Variants in PHLPP1 observed in about 807,000 individuals in gnomAD.
PHLPP1 encodes the protein PH domain leucine-rich repeat-containing protein phosphatase 1.
Under a neutral mutation model 117.2 loss-of-function variants are expected in PHLPP1, and 42 were observed. The observed-to-expected ratio is 0.36, with a 90% confidence interval of 0.28 to 0.46. The LOEUF (loss-of-function observed/expected upper bound fraction) is 0.46. Among genes scored for constraint, PHLPP1 ranks in the 20% least tolerant of loss-of-function variants. PHLPP1 has a pLI of 1.00. For synonymous variants in PHLPP1, 1,042 were observed against 970.7 expected (o/e 1.07, Z -1.37); for missense variants, 2,084 against 2,241.9 (o/e 0.93, Z 1.42).
Position 62,715,590 on chromosome 18 carries a change from C to T in PHLPP1, c.-94C>T, listed in dbSNP as rs956194675. On this transcript the variant is annotated 5_prime_UTR_variant, in exon 1 of 17. Coordinates refer to ENST00000262719, the MANE Select transcript of PHLPP1 (RefSeq NM_194449.4). ...ACAACGCCATTGGCTTCTCCCTTCT[C>T]CGCGCGCCGCCGCCGTCTCCCACCT... 4.0e-5 allele frequency: 32 copies of T among 796,420 alleles called. No individual in the cohort carries two copies. The Admixed American group carries it at 1.3e-3, about 33-fold the overall frequency. The allele number at this position is 796,420 out of a possible 1,614,324, so 49.3% of individuals were successfully genotyped here. A position where few individuals can be genotyped will look rare whatever the true frequency, so the allele number is the denominator to read the frequency against.
chr18:62,740,398 A>G (rs1911489097), intron 1 of PHLPP1, among the ~76,000 whole-genome samples: 1 of 152,208 alleles, frequency 6.6e-6, no homozygotes, highest in Non-Finnish European at 1.5e-5. Context: ...TTCCATTCTT[A>G]GATTATCATA....
chr18:62,972,978 G>A (rs1394011511), intron 15 of PHLPP1, among the ~76,000 whole-genome samples: 1 of 152,190 alleles, frequency 6.6e-6, no homozygotes, highest in Non-Finnish European at 1.5e-5. Context: ...GGCCTGTGTT[G>A]ATTGCAGATT....
chr18:62,874,961 A>AT (rs1916010939), intron 4 of PHLPP1, among the ~76,000 whole-genome samples: 1 of 151,912 alleles, frequency 6.6e-6, no homozygotes, highest in Non-Finnish European at 1.5e-5. Flanking sequence ...TATGATTATG[A>AT]TTATTATATT....
intron 1 of PHLPP1, among the ~76,000 whole-genome samples, chr18:62,723,978 A>G (rs1331678338): frequency 6.6e-6 from 1 of 152,026 alleles, no homozygotes; most frequent in Non-Finnish European, 1.5e-5. Flanking sequence ...TAGTTGTTTT[A>G]AGTTCTGTAA....
At chr18:62,866,433 C>G (rs568678399) in intron 4 of PHLPP1, among the ~76,000 whole-genome samples, 3 of 151,862 alleles carry the variant, frequency 2.0e-5, no homozygotes, top group Non-Finnish European at 4.4e-5. Flanking sequence ...TTAGTAGAGA[C>G]GGGGTTTTGC....
At chr18:62,865,486 G>T (rs886521453) in intron 4 of PHLPP1, among the ~76,000 whole-genome samples, 2 of 152,052 alleles carry the variant, frequency 1.3e-5, no homozygotes, top group Middle Eastern at 3.2e-3. Flanking sequence ...TCTGAGGTTT[G>T]AAATTATTGG....
At chr18:62,898,291 A>G (rs915740498) in intron 6 of PHLPP1, among the ~76,000 whole-genome samples, 36 of 152,230 alleles carry the variant, frequency 2.4e-4, no homozygotes, top group African/African-American at 7.0e-4. Flanking sequence ...TTCTTACTCA[A>G]CCAATTCTTT....
At chr18:62,794,883 A>G (rs1359205109) in intron 1 of PHLPP1, among the ~76,000 whole-genome samples, 1 of 152,180 alleles carries the variant, frequency 6.6e-6, no homozygotes, top group Non-Finnish European at 1.5e-5. Flanking sequence ...ATGAGCATCA[A>G]TACTTTTACT....
At chr18:62,899,153 C>T (rs1916651748) in intron 6 of PHLPP1, among the ~76,000 whole-genome samples, 1 of 152,158 alleles carries the variant, frequency 6.6e-6, no homozygotes, top group Non-Finnish European at 1.5e-5. Flanking sequence ...GTGATGTGAG[C>T]TGTGTATGGG....
At chr18:62,773,852 G>A (rs1215382142) in intron 1 of PHLPP1, among the ~76,000 whole-genome samples, 5 of 152,054 alleles carry the variant, frequency 3.3e-5, no homozygotes, top group Admixed American at 2.6e-4. Context: ...TCAAGTTGCC[G>A]GCAGATTCCT....
intron 13 of PHLPP1, among the ~76,000 whole-genome samples, chr18:62,963,140 G>A (rs1910813188): frequency 6.6e-6 from 1 of 152,166 alleles, no homozygotes; most frequent in African/African-American, 2.4e-5. Flanking sequence ...GCTGCTTTAC[G>A]ATGCTCATTA....
chr18:62,895,694 C>A (rs750189622), intron 5 of PHLPP1, 87 bp from the exon 6 acceptor site: 1 of 842,974 alleles, frequency 1.2e-6, no homozygotes, highest in Non-Finnish European at 1.9e-6. Flanking sequence ...TCTGGTAATA[C>A]GGTCTACACT....
At chr18:62,935,770 G>A (rs1313722136) in intron 10 of PHLPP1, among the ~76,000 whole-genome samples, 4 of 152,166 alleles carry the variant, frequency 2.6e-5, no homozygotes, top group African/African-American at 7.2e-5. Flanking sequence ...TTGGGAGGCC[G>A]AGGTGGGCGG....
chr18:62,901,962 C>T (rs1289970597), intron 6 of PHLPP1, among the ~76,000 whole-genome samples: 1 of 152,164 alleles, frequency 6.6e-6, no homozygotes, highest in Non-Finnish European at 1.5e-5. Flanking sequence ...TGCATCATCT[C>T]AGCACTTTGC....
intron 1 of PHLPP1, among the ~76,000 whole-genome samples, chr18:62,783,420 G>A (rs1913183203): frequency 6.6e-6 from 1 of 151,872 alleles, no homozygotes; most frequent in African/African-American, 2.4e-5. Flanking sequence ...AGTAGAGACG[G>A]GGTTTCACCA....
At chr18:62,949,696 G>C (rs2144464306) in intron 12 of PHLPP1, among the ~76,000 whole-genome samples, 1 of 152,112 alleles carries the variant, frequency 6.6e-6, no homozygotes, top group East Asian at 1.9e-4. Context: ...GTTCTCTTTT[G>C]GTTCTGAAAC....
chr18:62,781,696 G>A (rs1913124248), intron 1 of PHLPP1, among the ~76,000 whole-genome samples: 1 of 152,082 alleles, frequency 6.6e-6, no homozygotes, highest in Non-Finnish European at 1.5e-5. Flanking sequence ...TGTTAAATAT[G>A]TGTGATTTTA....
chr18:62,833,683 C>A (rs1394154033), intron 2 of PHLPP1, among the ~76,000 whole-genome samples: 1 of 152,146 alleles, frequency 6.6e-6, no homozygotes, highest in Non-Finnish European at 1.5e-5. Flanking sequence ...TCACCTAATA[C>A]AATGTTTCAT....
At chr18:62,787,543 A>G (rs1913329789) in intron 1 of PHLPP1, among the ~76,000 whole-genome samples, 1 of 152,204 alleles carries the variant, frequency 6.6e-6, no homozygotes, top group African/African-American at 2.4e-5. Context: ...GGATGACAGA[A>G]GCAGGAATTG....
Sources: allele counts gnomAD v4.1 joint callset (sites outside exome capture counted in the v4.1 genomes callset), GRCh38; gene constraint gnomAD v4.1.1; transcripts MANE v1.5; gene names NCBI Gene and HGNC (gene_info 2026-07-23, HGNC 2026-07-21).